Variants in RUNX1T1 observed in about 807,000 individuals in gnomAD.
RUNX1T1 encodes the protein RUNX1 partner transcriptional co-repressor 1, also known as protein CBFA2T1.
RUNX1T1 carries 4 observed loss-of-function variants against 62.8 expected under a neutral mutation model. The observed-to-expected ratio is 0.06, with a 90% CI of 0.03 to 0.15. The LOEUF (loss-of-function observed/expected upper bound fraction) is 0.15, where lower values mean the gene tolerates loss of function less well. Among genes scored for constraint, RUNX1T1 ranks in the 10% least tolerant of loss-of-function variants. The pLI is 1.00. For synonymous variants in RUNX1T1, 291 were observed against 286.0 expected (o/e 1.02, Z -0.18); for missense variants, 508 against 754.3 (o/e 0.67, Z 3.82).
chr8:92,011,821 A>T (rs897225197), intron 3 of RUNX1T1, among the ~76,000 whole-genome samples: 2 of 152,186 alleles, frequency 1.3e-5, no homozygotes, highest in Admixed American at 6.5e-5. Flanking sequence ...ACAAGCCCCA[A>T]ATACTCAGGA....
chr8:92,060,054 T>A (rs1273305423), intron 1 of RUNX1T1, among the ~76,000 whole-genome samples: 2 of 152,146 alleles, frequency 1.3e-5, no homozygotes, highest in African/African-American at 4.8e-5. Flanking sequence ...CATAAAAATA[T>A]AAGTGTTTCA....
At chr8:91,982,224 G>A (rs1815458763) in intron 8 of RUNX1T1, among the ~76,000 whole-genome samples, 2 of 137,578 alleles carry the variant, frequency 1.5e-5, no homozygotes. Context: ...GCAACAAAGT[G>A]AGACCCTGTC....
chr8:92,095,401 C>A (rs1420761702), intron 1 of RUNX1T1: 2 of 1,535,458 alleles, frequency 1.3e-6, no homozygotes, highest in African/African-American at 1.4e-5. Flanking sequence ...ACCCAGACCG[C>A]GGCTTTGTAT....
chr8:92,083,249 T>C (rs1835556961), intron 1 of RUNX1T1, among the ~76,000 whole-genome samples: 1 of 152,078 alleles, frequency 6.6e-6, no homozygotes, highest in South Asian at 2.1e-4. Flanking sequence ...ACTTGACAAA[T>C]GGGATCTAAT....
At chr8:92,083,550 T>C (rs1443368598) in intron 1 of RUNX1T1, among the ~76,000 whole-genome samples, 3 of 152,186 alleles carry the variant, frequency 2.0e-5, no homozygotes. Flanking sequence ...CACAATGAGA[T>C]ACCATCTCAC....
exon 11 of RUNX1T1, chr8:91,960,110 G>C (rs960270841): frequency 1.1e-6 from 1 of 931,752 alleles, no homozygotes; most frequent in African/African-American, 1.7e-5. Flanking sequence ...GTTCTCTCTT[G>C]CTGAAGTACT....
exon 2 of RUNX1T1, chr8:92,017,287 T>G: frequency 6.2e-7 from 1 of 1,614,114 alleles, no homozygotes; most frequent in Non-Finnish European, 8.5e-7. Flanking sequence ...GAGGTGGCAT[T>G]GTTGGAGGAG....
intron 9 of RUNX1T1, among the ~76,000 whole-genome samples, chr8:91,973,938 T>C (rs1399113752): frequency 6.6e-6 from 1 of 152,002 alleles, no homozygotes; most frequent in East Asian, 1.9e-4. Context: ...GAATACAAAT[T>C]TAATGTCATA....
upstream of RUNX1T1, chr8:92,103,091 A>C (rs757588711): frequency 8.1e-5 from 35 of 433,080 alleles, no homozygotes; most frequent in Non-Finnish European, 1.3e-4. Context: ...GCCGTGCAAA[A>C]AGCCCGGGGT....
intron 2 of RUNX1T1, 132 bp downstream of exon 2, chr8:92,075,833 A>T: frequency 1.3e-6 from 1 of 783,298 alleles, no homozygotes; most frequent in Non-Finnish European, 2.0e-6. Context: ...TGTTTAAAAC[A>T]TACAATAGAA....
At chr8:92,050,755 C>T (rs772453702) in intron 1 of RUNX1T1, among the ~76,000 whole-genome samples, 1 of 152,164 alleles carries the variant, frequency 6.6e-6, no homozygotes, top group Non-Finnish European at 1.5e-5. Context: ...CACACAACAG[C>T]TCAAGTTATC....
chr8:91,958,857 G>GAA, downstream of RUNX1T1: 4 of 173,322 alleles, frequency 2.3e-5, no homozygotes, highest in East Asian at 9.9e-5. Flanking sequence ...TGGTTTTCAG[G>GAA]AAAAAAAAAA....
chr8:92,028,730 G>T (rs1825713768), intron 1 of RUNX1T1, among the ~76,000 whole-genome samples: 1 of 152,138 alleles, frequency 6.6e-6, no homozygotes, highest in Non-Finnish European at 1.5e-5. Flanking sequence ...GGAAAACTAA[G>T]TTGCCCAAAT....
At chr8:91,981,558 G>A (rs963572171) in intron 8 of RUNX1T1, among the ~76,000 whole-genome samples, 7 of 151,554 alleles carry the variant, frequency 4.6e-5, no homozygotes, top group East Asian at 3.9e-4. Flanking sequence ...GGGACTACAG[G>A]GGTGCACCAC....
At chr8:92,066,792 A>T (rs986593413), upstream of RUNX1T1, among the ~76,000 whole-genome samples, 11 of 152,248 alleles carry the variant, frequency 7.2e-5, no homozygotes, top group African/African-American at 2.7e-4. Context: ...ACAATGTAAG[A>T]TACAGCTAAC....
intron 8 of RUNX1T1, among the ~76,000 whole-genome samples, chr8:91,980,270 T>C (rs75111926): frequency 0.015 from 2,345 of 152,344 alleles, 35 homozygotes; most frequent in Non-Finnish European, 0.024. Context: ...GTCAGCTGAA[T>C]GACTGTGAGA....
At chr8:92,070,562 A>G (rs1833521272) in intron 2 of RUNX1T1, among the ~76,000 whole-genome samples, 1 of 152,122 alleles carries the variant, frequency 6.6e-6, no homozygotes, top group South Asian at 2.1e-4. Flanking sequence ...AAATTATTAT[A>G]TATGTTTTAC....
intron 1 of RUNX1T1, among the ~76,000 whole-genome samples, chr8:92,027,888 C>A (rs1179394284): frequency 6.6e-6 from 1 of 152,038 alleles, no homozygotes; most frequent in African/African-American, 2.4e-5. Context: ...CCCTTCCCTT[C>A]CTCTATAGCA....
chr8:92,086,189 T>C (rs1178213252), intron 1 of RUNX1T1, among the ~76,000 whole-genome samples: 1 of 152,244 alleles, frequency 6.6e-6, no homozygotes, highest in African/African-American at 2.4e-5. Context: ...TTACAAGCAC[T>C]GCTTTCATCA....
Sources: allele counts gnomAD v4.1 joint callset (sites outside exome capture counted in the v4.1 genomes callset), GRCh38; gene constraint gnomAD v4.1.1; transcripts MANE v1.5; gene names NCBI Gene and HGNC (gene_info 2026-07-23, HGNC 2026-07-21).